The following NTM variants were observed in gnomAD, a reference collection of about 807,000 sequenced individuals.
The protein encoded by NTM is neurotrimin.
NTM carries 13 observed loss-of-function variants against 42.1 expected under a neutral mutation model. The observed-to-expected ratio is 0.31, with a 90% CI of 0.20 to 0.49. The LOEUF (loss-of-function observed/expected upper bound fraction) is 0.49, where lower values mean the gene tolerates loss of function less well. Among genes scored for constraint, NTM ranks in the 20% least tolerant of loss-of-function variants. The pLI, the probability that NTM is intolerant of heterozygous loss-of-function variation, is 0.99. For synonymous variants in NTM, 187 were observed against 179.2 expected (o/e 1.04, Z -0.35); for missense variants, 373 against 452.8 (o/e 0.82, Z 1.60).
At chr11:131,652,890 T>A (rs1030720134) in intron 1 of NTM, among the ~76,000 whole-genome samples, 1 of 152,200 alleles carries the variant, frequency 6.6e-6, no homozygotes, top group African/African-American at 2.4e-5. Context: ...CACTCCGCCT[T>A]CAGAAAGCCA....
At chr11:132,192,746 G>A (rs540455548) in intron 3 of NTM, among the ~76,000 whole-genome samples, 12 of 152,164 alleles carry the variant, frequency 7.9e-5, no homozygotes, top group Middle Eastern at 3.4e-3. Context: ...GTCTGCTGCC[G>A]TTGAGAGATA....
At chr11:131,900,040 A>G (rs1004321900) in intron 1 of NTM, among the ~76,000 whole-genome samples, 26 of 152,384 alleles carry the variant, frequency 1.7e-4, no homozygotes, top group South Asian at 1.2e-3. Flanking sequence ...AAAGACAGAA[A>G]TTAGACCATT....
At chr11:131,711,944 G>A (rs1249292340) in intron 1 of NTM, among the ~76,000 whole-genome samples, 15 of 130,024 alleles carry the variant, frequency 1.2e-4, no homozygotes, top group Non-Finnish European at 1.9e-4. Flanking sequence ...AGAACACATG[G>A]ACACAGGAAG....
At chr11:131,703,899 A>T (rs1412621245) in intron 1 of NTM, among the ~76,000 whole-genome samples, 2 of 152,002 alleles carry the variant, frequency 1.3e-5, no homozygotes, top group African/African-American at 4.8e-5. Context: ...GCCTGCCTCG[A>T]TGGCCCCGGG....
chr11:131,761,364 T>C (rs1181556746), intron 1 of NTM, among the ~76,000 whole-genome samples: 2 of 152,126 alleles, frequency 1.3e-5, no homozygotes, highest in African/African-American at 4.8e-5. Context: ...GATGGAATGT[T>C]TTATATCCCC....
In NTM at chr11:132,073,098, C is replaced by T. The variant is rs528774009; in HGVS notation, c.168-73184C>T. ...CTAGCTCCTTCTGTCCTGTGGGCTG[C>T]TGGGGCTTTGTGTCACTGGCATCAG... On this transcript the variant is annotated intron_variant, in intron 2 of 8. Coordinates refer to ENST00000683400, the MANE Select transcript of NTM (RefSeq NM_001352005.2). Among the ~76,000 whole-genome samples, 106 of 152,268 alleles carry T rather than the reference C, an allele frequency of 7.0e-4. 1 individual carries two copies. The highest frequency in any genetic ancestry group is 5.1e-3 in the Admixed American group (78 of 15,298).
Position 132,107,265 on chromosome 11 carries a change from T to C in NTM, c.168-39017T>C, listed in dbSNP as rs531702936. Among the ~76,000 whole-genome samples the C allele has an allele frequency of 4.6e-5, 7 of 152,152 alleles. No homozygotes were observed. In the South Asian group the frequency reaches 6.2e-4, roughly 14 times the overall value. ...CACAAAACTAACTTTTCTCAAGGATTTGTAACATCTTGAAGTTTTCATGTG... is the reference window on the plus strand; with the variant it reads ...CACAAAACTAACTTTTCTCAAGGATCTGTAACATCTTGAAGTTTTCATGTG... On this transcript the variant is annotated intron_variant, in intron 2 of 8. Coordinates refer to ENST00000683400, the MANE Select transcript of NTM (RefSeq NM_001352005.2).
At chr11:131,728,271 C>T (rs1362054770) in intron 1 of NTM, among the ~76,000 whole-genome samples, 1 of 152,220 alleles carries the variant, frequency 6.6e-6, no homozygotes, top group Non-Finnish European at 1.5e-5. Flanking sequence ...ATGCCCGTGG[C>T]AAGCCTATGC....
chr11:132,095,362 A>G (rs2060839571), intron 2 of NTM, among the ~76,000 whole-genome samples: 1 of 151,964 alleles, frequency 6.6e-6, no homozygotes, highest in Admixed American at 6.5e-5. Flanking sequence ...CTCCACAGGA[A>G]CCCTTTCATC....
At chr11:131,742,691 G>A (rs2081337891) in intron 1 of NTM, among the ~76,000 whole-genome samples, 1 of 152,074 alleles carries the variant, frequency 6.6e-6, no homozygotes, top group African/African-American at 2.4e-5. Context: ...TAAACAAGCT[G>A]CTCAACTAAA....
chr11:131,916,189 G>C lies in NTM; in HGVS notation c.167+4541G>C, dbSNP rs545627741. Reference sequence around the variant, plus strand: ...AGGACTGCACTAGCTCCTAGCTCCTGGGTGGAAGTGAGCAGACATCAGTGA... The same window carrying C: ...AGGACTGCACTAGCTCCTAGCTCCTCGGTGGAAGTGAGCAGACATCAGTGA... On this transcript the variant is annotated intron_variant, in intron 2 of 8. Coordinates refer to ENST00000683400, the MANE Select transcript of NTM (RefSeq NM_001352005.2). Among the ~76,000 whole-genome samples the C allele has an allele frequency of 1.5e-3, 223 of 152,318 alleles. 1 individual carries two copies. Among genetic ancestry groups the C allele is most frequent in the African/African-American group, 4.5e-3 (186 of 41,572 alleles).
rs898001997 is a variant in NTM at position 132,186,694 on chromosome 11, A to G, written c.401-25328A>G. Among the ~76,000 whole-genome samples the G allele has an allele frequency of 4.0e-5, 6 of 151,676 alleles. No individual in the cohort carries two copies. The East Asian group carries it at 1.2e-3, about 29-fold the overall frequency. Reference sequence around the variant, plus strand: ...TAAATACTTTCATGGAGGTTGTCTTATTTGGTTCTCAGAAGGACACTATAA... The same window carrying G: ...TAAATACTTTCATGGAGGTTGTCTTGTTTGGTTCTCAGAAGGACACTATAA... On this transcript the variant is annotated intron_variant, in intron 3 of 8. Coordinates refer to ENST00000683400, the MANE Select transcript of NTM (RefSeq NM_001352005.2).
chr11:131,744,140 C>A (rs996997228), intron 1 of NTM, among the ~76,000 whole-genome samples: 1 of 152,250 alleles, frequency 6.6e-6, no homozygotes, highest in Non-Finnish European at 1.5e-5. Context: ...ATTTCCCCAT[C>A]TGTGAATTAG....
intron 1 of NTM, among the ~76,000 whole-genome samples, chr11:131,461,482 C>G (rs573607329): frequency 6.6e-6 from 1 of 152,072 alleles, no homozygotes; most frequent in African/African-American, 2.4e-5. Flanking sequence ...TATGAACATG[C>G]AGAAGCTAAA....
Position 132,266,351 on chromosome 11 carries a change from A to C in NTM, c.527-41338A>C, listed in dbSNP as rs78240053. On this transcript the variant is annotated intron_variant, in intron 4 of 8. Transcript: ENST00000683400. The stretch of plus-strand genomic sequence containing the variant: ...GCCATCTCTCTTGTTGCCAGTGTGG[A>C]GTGGGGAGCCCTGGATCTGTCCTAG... 2.6e-3 allele frequency among the ~76,000 whole-genome samples: 396 copies of C among 152,258 alleles called. 1 individual carries two copies. The highest frequency in any genetic ancestry group is 8.9e-3 in the African/African-American group (372 of 41,570).
chr11:131,580,001 C>A (rs1408322714), intron 1 of NTM, among the ~76,000 whole-genome samples: 19 of 152,170 alleles, frequency 1.2e-4, no homozygotes, highest in Admixed American at 1.2e-3. Flanking sequence ...AGCTGTAGTT[C>A]TCTGCCGAGC....
intron 1 of NTM, among the ~76,000 whole-genome samples, chr11:131,644,505 C>T (rs990046669): frequency 6.6e-6 from 1 of 152,178 alleles, no homozygotes; most frequent in Non-Finnish European, 1.5e-5. Flanking sequence ...TACTACTTAG[C>T]CTGCTCTTGC....
intron 1 of NTM, among the ~76,000 whole-genome samples, chr11:131,881,295 C>T (rs1168021088): frequency 6.6e-6 from 1 of 152,154 alleles, no homozygotes; most frequent in Admixed American, 6.5e-5. Context: ...CCTTACCACC[C>T]TCCTCTCAAC....
chr11:131,627,947 G>A (rs969500242), intron 1 of NTM, among the ~76,000 whole-genome samples: 3 of 152,160 alleles, frequency 2.0e-5, no homozygotes, highest in Non-Finnish European at 4.4e-5. Flanking sequence ...TTGGACAAAG[G>A]AAATAGAACT....
Sources: allele counts gnomAD v4.1 joint callset (sites outside exome capture counted in the v4.1 genomes callset), GRCh38; gene constraint gnomAD v4.1.1; transcripts MANE v1.5; gene names NCBI Gene and HGNC (gene_info 2026-07-23, HGNC 2026-07-21).